DYNC1I2: variants seen among roughly 807,000 people sequenced by gnomAD.
DYNC1I2 encodes cytoplasmic dynein 1 intermediate chain 2.
Under a neutral mutation model 88.6 loss-of-function variants are expected in DYNC1I2, and 53 were observed. The observed-to-expected ratio is 0.60, with a 90% CI of 0.48 to 0.75. The LOEUF is 0.75. Ranked by LOEUF, DYNC1I2 falls within the 30% of genes least tolerant of loss-of-function variation. The probability of loss-of-function intolerance (pLI) is 0.00; values close to 1 mark genes in which losing one functional copy is unlikely to be tolerated. For missense variants in DYNC1I2, 458 were observed against 766.6 expected, an observed-to-expected ratio of 0.60 and a Z score of 4.75; for synonymous variants, 198 against 254.6, an observed-to-expected ratio of 0.78 and a Z score of 2.12.
At chr2:171,725,433 G>A (rs1688171204) in intron 7 of DYNC1I2, among the ~76,000 whole-genome samples, 185 bp from the exon 8 acceptor site, 1 of 152,034 alleles carries the variant, frequency 6.6e-6, no homozygotes, top group Admixed American at 6.6e-5. Flanking sequence ...ATTTGATTAT[G>A]TTGATAAAAA....
intron 15 of DYNC1I2, among the ~76,000 whole-genome samples, chr2:171,736,362 T>C (rs576425818): frequency 4.6e-5 from 7 of 152,322 alleles, no homozygotes; most frequent in African/African-American, 1.7e-4. Context: ...AAGACACTGG[T>C]ACATTGGAGA....
chr2:171,719,878 C>A (rs1048900481), intron 7 of DYNC1I2, among the ~76,000 whole-genome samples: 2 of 152,164 alleles, frequency 1.3e-5, no homozygotes, highest in Non-Finnish European at 2.9e-5. Flanking sequence ...TGACTTCAGT[C>A]GATTTTCTTC....
At chr2:171,690,096 G>GT (rs1378718600) in intron 1 of DYNC1I2, 51 bp from the exon 2 acceptor site, 6 of 1,251,058 alleles carry the variant, frequency 4.8e-6, no homozygotes, top group African/African-American at 1.5e-5. Flanking sequence ...TGGAACACTA[G>GT]TTTTTTCAAC....
chr2:171,747,687 A>C (rs1689894947), intron 17 of DYNC1I2, 89 bp from the exon 18 acceptor site: 1 of 879,758 alleles, frequency 1.1e-6, no homozygotes, highest in East Asian at 2.8e-5. Flanking sequence ...ACTTTTTAAC[A>C]GAAAAATTAT....
intron 7 of DYNC1I2, among the ~76,000 whole-genome samples, chr2:171,717,488 G>T (rs1208239483): frequency 6.6e-6 from 1 of 151,852 alleles, no homozygotes; most frequent in Non-Finnish European, 1.5e-5. Flanking sequence ...TGTTCCATTG[G>T]TTGGTAAGAT....
chr2:171,690,654 G>GTTT (rs1212125870), intron 2 of DYNC1I2, among the ~76,000 whole-genome samples: 5 of 136,058 alleles, frequency 3.7e-5, no homozygotes, highest in Non-Finnish European at 8.0e-5. Context: ...TTTGTTTTGG[G>GTTT]TTTTTTTTTT....
intron 5 of DYNC1I2, 93 bp downstream of exon 5, chr2:171,707,470 C>T (rs1032148282): frequency 1.2e-5 from 13 of 1,053,170 alleles, no homozygotes; most frequent in Middle Eastern, 2.1e-4. Context: ...ATAGTTGTGT[C>T]GAGTTAGTCC....
intron 15 of DYNC1I2, among the ~76,000 whole-genome samples, chr2:171,735,986 A>G (rs1399787447): frequency 6.6e-6 from 1 of 152,226 alleles, no homozygotes; most frequent in East Asian, 1.9e-4. Context: ...ACACTTTTGT[A>G]GTCCATACAC....
intron 15 of DYNC1I2, among the ~76,000 whole-genome samples, chr2:171,731,948 G>C (rs1176213880): frequency 1.3e-5 from 2 of 152,194 alleles, no homozygotes; most frequent in Non-Finnish European, 1.5e-5. Flanking sequence ...CATTGTTTTA[G>C]AACTGCCTGG....
intron 7 of DYNC1I2, among the ~76,000 whole-genome samples, chr2:171,725,301 A>G (rs925526325): frequency 2.0e-5 from 3 of 152,208 alleles, no homozygotes; most frequent in African/African-American, 7.2e-5. Flanking sequence ...TAGAGACTTA[A>G]TGAGGAATTC....
intron 5 of DYNC1I2, among the ~76,000 whole-genome samples, chr2:171,711,956 A>G (rs948529370): frequency 3.3e-5 from 5 of 152,234 alleles, no homozygotes; most frequent in African/African-American, 1.2e-4. Flanking sequence ...AAATGCCAGT[A>G]TGATAAAGCA....
At chr2:171,744,293 G>A (rs1267674647) in intron 16 of DYNC1I2, 104 bp downstream of exon 16, 2 of 1,227,598 alleles carry the variant, frequency 1.6e-6, no homozygotes, top group African/African-American at 3.0e-5. Context: ...AAAGGGTTCT[G>A]TGATTGTAGA....
chr2:171,697,897 C>T (rs1198485853), intron 3 of DYNC1I2, among the ~76,000 whole-genome samples: 1 of 151,920 alleles, frequency 6.6e-6, no homozygotes, highest in African/African-American at 2.4e-5. Context: ...AAGCTTGATT[C>T]ACTTTAGGCT....
chr2:171,717,204 G>A (rs566349766), intron 7 of DYNC1I2, among the ~76,000 whole-genome samples: 8 of 142,796 alleles, frequency 5.6e-5, no homozygotes, highest in Non-Finnish European at 9.0e-5. Flanking sequence ...GTGCAGTGGC[G>A]CCATCTTGGC....
chr2:171,710,122 T>TATACACACAC (rs1358695266), intron 5 of DYNC1I2, among the ~76,000 whole-genome samples: 1 of 144,338 alleles, frequency 6.9e-6, no homozygotes, highest in East Asian at 2.0e-4. Context: ...TATGTATATA[T>TATACACACAC]ACACACACAC....
chr2:171,715,556 A>T (rs1216097565), intron 7 of DYNC1I2, 113 bp downstream of exon 7: 8 of 681,026 alleles, frequency 1.2e-5, no homozygotes, highest in Non-Finnish European at 1.9e-5. Context: ...GTGTTTTGGC[A>T]TGTTTTCTTA....
At chr2:171,735,569 G>T (rs1006174091) in intron 15 of DYNC1I2, among the ~76,000 whole-genome samples, 1 of 152,186 alleles carries the variant, frequency 6.6e-6, no homozygotes, top group Non-Finnish European at 1.5e-5. Context: ...AACCTGTATA[G>T]AAGACAAACA....
chr2:171,692,751 A>G (rs766296958), intron 2 of DYNC1I2, 26 bp from the exon 3 acceptor site: 5 of 1,528,512 alleles, frequency 3.3e-6, no homozygotes, highest in African/African-American at 2.8e-5. Context: ...ATATGTAAAC[A>G]TAAGTTTTTA....
Position 171,726,050 on chromosome 2 carries a change from T to C in DYNC1I2, c.739T>C (p.Tyr247His). 6.3e-7 allele frequency: 1 copy of C among 1,586,554 alleles called. No homozygotes were observed. The highest frequency in any genetic ancestry group is 8.5e-7 in the Non-Finnish European group (1 of 1,171,290). Residue 247 changes from tyrosine (Y) to histidine (H), a missense_variant, in exon 9 of 18, where the codon TAT becomes CAT. Tyr to His is a moderately conservative substitution (Grantham distance 83). Coordinates refer to ENST00000397119, the MANE Select transcript of DYNC1I2 (RefSeq NM_001378.3). ...TGAGCAGATTAACATCTTCTTTGACTATAGTGGGAGAGATTTGGAAGACAA... is the reference window on the plus strand; with the variant it reads ...TGAGCAGATTAACATCTTCTTTGACCATAGTGGGAGAGATTTGGAAGACAA... ...LSEQINIFFD[Y>H]SGRDLEDKEG...
Sources: allele counts gnomAD v4.1 joint callset (sites outside exome capture counted in the v4.1 genomes callset), GRCh38; gene constraint gnomAD v4.1.1; transcripts MANE v1.5; gene names NCBI Gene and HGNC (gene_info 2026-07-23, HGNC 2026-07-21).